Variants in EYA4 observed in about 807,000 individuals in gnomAD.
EYA4 encodes the protein EYA transcriptional coactivator and phosphatase 4.
A neutral mutation model predicts 87.9 loss-of-function variants in EYA4; 31 were observed. That is an observed-to-expected ratio of 0.35 (90% CI 0.27 to 0.48). The LOEUF (loss-of-function observed/expected upper bound fraction) is 0.48. Ranked by LOEUF, EYA4 falls within the 20% of genes least tolerant of loss-of-function variation. The pLI, the probability that EYA4 is intolerant of heterozygous loss-of-function variation, is 0.99. For synonymous variants in EYA4, 263 were observed against 270.6 expected (o/e 0.97, Z 0.28); for missense variants, 678 against 761.4 (o/e 0.89, Z 1.29).
At chr6:133,344,212 C>T (rs760810671) in intron 2 of EYA4, among the ~76,000 whole-genome samples, 3 of 152,122 alleles carry the variant, frequency 2.0e-5, no homozygotes, top group Non-Finnish European at 4.4e-5. Flanking sequence ...ATCGGGAGAC[C>T]CAAGCCTTTG....
rs535707440 is a variant in EYA4 at position 133,392,561 on chromosome 6, C to T, written c.83+10120C>T. ...AAACTTACATAAAAGGCTGGAGAGA[C>T]ACTTAGCAAATTGTGGTTATTTTGG... On this transcript the variant is annotated intron_variant, in intron 3 of 19. Coordinates refer to ENST00000355286, the MANE Select transcript of EYA4 (RefSeq NM_004100.5). Among the ~76,000 whole-genome samples the T allele has an allele frequency of 2.4e-4, 36 of 152,246 alleles. 1 individual carries two copies. The East Asian group carries it at 6.4e-3, about 27-fold the overall frequency.
At chr6:133,494,536 C>T (rs1797459984) in intron 13 of EYA4, among the ~76,000 whole-genome samples, 1 of 151,872 alleles carries the variant, frequency 6.6e-6, no homozygotes, top group Non-Finnish European at 1.5e-5. Context: ...ATTTATTGTA[C>T]ATTTTAAAAT....
At chr6:133,299,458 T>C (rs892688099) in intron 2 of EYA4, among the ~76,000 whole-genome samples, 1 of 152,040 alleles carries the variant, frequency 6.6e-6, no homozygotes, top group African/African-American at 2.4e-5. Context: ...GGGCCTGTGA[T>C]CCCAGGACTT....
chr6:133,398,652 A>G (rs558937128), intron 3 of EYA4, among the ~76,000 whole-genome samples: 3 of 152,176 alleles, frequency 2.0e-5, no homozygotes, highest in African/African-American at 7.2e-5. Flanking sequence ...CATGCATGCT[A>G]TGGAAGGCTT....
chr6:133,479,132 G>T (rs1795991613), intron 11 of EYA4, among the ~76,000 whole-genome samples: 1 of 151,970 alleles, frequency 6.6e-6, no homozygotes. Flanking sequence ...TTGGTTTGTG[G>T]GATATAGTAA....
chr6:133,386,351 G>A (rs1344882323), intron 3 of EYA4, among the ~76,000 whole-genome samples: 1 of 152,104 alleles, frequency 6.6e-6, no homozygotes, highest in East Asian at 1.9e-4. Context: ...TACAGCAGAA[G>A]TTTCCATGAA....
At position 133,513,353 on chromosome 6, in the gene EYA4, G is replaced by A. The variant is rs9375967; in HGVS notation, c.1501+315G>A. On this transcript the variant is annotated intron_variant, in intron 16 of 19. Coordinates refer to ENST00000355286, the MANE Select transcript of EYA4 (RefSeq NM_004100.5). ...CATTATCAGTGAAAATCAGACAGAG[G>A]AACTAACCGAGGCAACAGAAAGAAG... Among the ~76,000 whole-genome samples, 26,345 of 152,002 alleles carry A rather than the reference G, an allele frequency of 0.17. 2,755 individuals are homozygous for A. The highest frequency in any genetic ancestry group is 0.3 in the South Asian group (1,432 of 4,814).
chr6:133,494,331 C>T (rs1417244357), intron 13 of EYA4, among the ~76,000 whole-genome samples: 1 of 152,096 alleles, frequency 6.6e-6, no homozygotes, highest in East Asian at 1.9e-4. Context: ...ACAAACTTTA[C>T]ATATTCTTAC....
At chr6:133,356,412 T>C (rs1056311473) in intron 2 of EYA4, among the ~76,000 whole-genome samples, 4 of 152,198 alleles carry the variant, frequency 2.6e-5, no homozygotes, top group African/African-American at 9.6e-5. Context: ...TTTTGATGTT[T>C]CTGATGATGA....
chr6:133,381,482 G>C (rs1786214794), intron 2 of EYA4, among the ~76,000 whole-genome samples: 1 of 151,968 alleles, frequency 6.6e-6, no homozygotes, highest in South Asian at 2.1e-4. Context: ...GTTCCTCATG[G>C]TATATATTCA....
intron 17 of EYA4, among the ~76,000 whole-genome samples, chr6:133,515,811 G>A (rs77581405): frequency 0.026 from 3,897 of 152,240 alleles, 158 homozygotes; most frequent in African/African-American, 0.088. Flanking sequence ...GTACAAGGGG[G>A]TGATGGCAAA....
chr6:133,452,490 A>ACTT (rs1286170284), intron 5 of EYA4, among the ~76,000 whole-genome samples: 1 of 152,156 alleles, frequency 6.6e-6, no homozygotes, highest in Non-Finnish European at 1.5e-5. Flanking sequence ...GTTATACTTA[A>ACTT]CTTCTAAAGA....
At chr6:133,482,188 C>T (rs1211298466) in intron 12 of EYA4, among the ~76,000 whole-genome samples, 1 of 152,170 alleles carries the variant, frequency 6.6e-6, no homozygotes, top group Non-Finnish European at 1.5e-5. Context: ...TAATATGTTA[C>T]TTCTTACATA....
chr6:133,498,924 G>A (rs923034153), intron 13 of EYA4, among the ~76,000 whole-genome samples: 2 of 152,128 alleles, frequency 1.3e-5, no homozygotes, highest in South Asian at 2.1e-4. Flanking sequence ...CTCATGAATA[G>A]CCAAATATAT....
chr6:133,481,647 C>T (rs745335523), intron 12 of EYA4, 48 bp downstream of exon 12: 22 of 1,580,244 alleles, frequency 1.4e-5, no homozygotes, highest in African/African-American at 4.0e-5. Context: ...TTTATTTTAC[C>T]GAATGATACA....
At chr6:133,520,217 A>T (rs922445195) in intron 17 of EYA4, among the ~76,000 whole-genome samples, 1 of 151,450 alleles carries the variant, frequency 6.6e-6, no homozygotes, top group African/African-American at 2.4e-5. Context: ...AGACGACATG[A>T]TTGTATATCT....
At chr6:133,491,445 T>TA (rs1797143810) in intron 13 of EYA4, among the ~76,000 whole-genome samples, 1 of 151,962 alleles carries the variant, frequency 6.6e-6, no homozygotes. Context: ...CTCAAATAAG[T>TA]AAAACCAGAA....
In EYA4 at chr6:133,529,873, C is replaced by A; in HGVS notation, c.*1068C>A. 2.0e-6 allele frequency: 2 copies of A among 985,336 alleles called. No homozygotes were observed. The highest frequency in any genetic ancestry group is 2.4e-6 in the Non-Finnish European group (2 of 829,898). The allele number at this position is 985,336 out of a possible 1,614,324, so 61.0% of individuals were successfully genotyped here. A position where few individuals can be genotyped will look rare whatever the true frequency, so the allele number is the denominator to read the frequency against. ...AACTTGCACAGTTTTGAGGTTGAGA[C>A]TTTTGATATGTGTAAGTTGCATAGA... On this transcript the variant is annotated 3_prime_UTR_variant, in exon 20 of 20. Transcript: ENST00000355286.
chr6:133,309,532 C>A (rs1416595053), intron 2 of EYA4, among the ~76,000 whole-genome samples: 3 of 152,158 alleles, frequency 2.0e-5, no homozygotes, highest in Non-Finnish European at 4.4e-5. Context: ...AATCTTTGTT[C>A]TCTATTCTGA....
Sources: allele counts gnomAD v4.1 joint callset (sites outside exome capture counted in the v4.1 genomes callset), GRCh38; gene constraint gnomAD v4.1.1; transcripts MANE v1.5; gene names NCBI Gene and HGNC (gene_info 2026-07-23, HGNC 2026-07-21).